OR4N2: variants seen among roughly 807,000 people sequenced by gnomAD.
The protein encoded by OR4N2 is olfactory receptor family 4 subfamily N member 2, also known as olfactory receptor 4N2.
For synonymous variants in OR4N2, 141 were observed against 140.4 expected, an observed-to-expected ratio of 1.00 and a Z score of -0.03; for missense variants, 307 against 377.6, an observed-to-expected ratio of 0.81 and a Z score of 1.55.
At chr14:19,823,624 G>T (rs1175760424) in intron 1 of OR4N2, among the ~76,000 whole-genome samples, 15 of 152,150 alleles carry the variant, frequency 9.9e-5, no homozygotes, top group Non-Finnish European at 1.5e-5. Context: ...TAGACGAAAA[G>T]TGGAGAGAGT....
chr14:19,806,382 T>A (rs1361981326), intron 1 of OR4N2, among the ~76,000 whole-genome samples: 1 of 152,122 alleles, frequency 6.6e-6, no homozygotes, highest in Non-Finnish European at 1.5e-5. Flanking sequence ...GCAGAAAGAT[T>A]TGTCATGTAA....
At chr14:19,818,901 T>G (rs1341210932) in intron 1 of OR4N2, among the ~76,000 whole-genome samples, 2 of 152,256 alleles carry the variant, frequency 1.3e-5, no homozygotes, top group African/African-American at 2.4e-5. Flanking sequence ...TGTTAGTATT[T>G]TCTTATCTGT....
chr14:19,817,638 G>A (rs1410952399), intron 1 of OR4N2, among the ~76,000 whole-genome samples: 12 of 152,184 alleles, frequency 7.9e-5, no homozygotes, highest in African/African-American at 1.9e-4. Flanking sequence ...CAAAAAACCA[G>A]CTCCTGGATT....
At chr14:19,811,603 T>C (rs1039244148) in intron 1 of OR4N2, among the ~76,000 whole-genome samples, 1 of 152,268 alleles carries the variant, frequency 6.6e-6, no homozygotes, top group Admixed American at 6.5e-5. Context: ...ACATAAAAAG[T>C]TGTGACCAGA....
intron 1 of OR4N2, among the ~76,000 whole-genome samples, chr14:19,821,006 G>A (rs1310902682): frequency 6.6e-6 from 1 of 152,256 alleles, no homozygotes. Context: ...CTACCTCAGT[G>A]TCTGCCCAAA....
chr14:19,814,194 A>G (rs1482579271), intron 1 of OR4N2, among the ~76,000 whole-genome samples: 1 of 152,172 alleles, frequency 6.6e-6, no homozygotes, highest in East Asian at 1.9e-4. Context: ...TTCTGACTCA[A>G]TTAATTTTTA....
At chr14:19,812,329 C>CTTTTTTTTTT (rs3078143) in intron 1 of OR4N2, among the ~76,000 whole-genome samples, 50 of 117,390 alleles carry the variant, frequency 4.3e-4, no homozygotes, top group Admixed American at 5.7e-4. Context: ...CTTTTCTTTT[C>CTTTTTTTTTT]TTTTTTTTTT....
intron 1 of OR4N2, among the ~76,000 whole-genome samples, chr14:19,812,750 C>G (rs1278746199): frequency 7.2e-5 from 11 of 152,146 alleles, no homozygotes; most frequent in African/African-American, 2.4e-5. Context: ...AATAGTCAAG[C>G]TGAGCATTTT....
chr14:19,809,740 A>T (rs2801168), intron 1 of OR4N2, among the ~76,000 whole-genome samples: 12,441 of 149,810 alleles, frequency 0.083, 104 homozygotes, highest in East Asian at 0.18. Context: ...GATAAAAACA[A>T]GCAATAGGGA....
In OR4N2 at chr14:19,827,052, C is replaced by G. The variant is rs1314890746; in HGVS notation, c.-9-388C>G. On this transcript the variant is annotated intron_variant, in intron 1 of 1. Coordinates refer to ENST00000557677, the MANE Select transcript of OR4N2 (RefSeq NM_001004723.3). ...AAAGGGTCTAATCCCAAGAAAAGAG[C>G]TAACCCTCAAGCATAGTATATCCAC... Among the ~76,000 whole-genome samples, 23 of 152,252 alleles carry G rather than the reference C, an allele frequency of 1.5e-4. 1 individual carries two copies. The highest frequency in any genetic ancestry group is 5.5e-4 in the African/African-American group (23 of 41,456).
intron 1 of OR4N2, among the ~76,000 whole-genome samples, chr14:19,820,427 T>A (rs1879535813): frequency 1.3e-5 from 2 of 152,270 alleles, no homozygotes; most frequent in Admixed American, 1.3e-4. Context: ...CATTTAGTGC[T>A]ATAAATTTTC....
intron 1 of OR4N2, among the ~76,000 whole-genome samples, chr14:19,812,560 G>C (rs1180156801): frequency 6.6e-6 from 1 of 152,082 alleles, no homozygotes; most frequent in African/African-American, 2.4e-5. Flanking sequence ...AGGTTTCACC[G>C]TGTTAGCCAG....
At chr14:19,821,418 C>A (rs1035106931) in intron 1 of OR4N2, among the ~76,000 whole-genome samples, 3 of 151,594 alleles carry the variant, frequency 2.0e-5, no homozygotes, top group South Asian at 4.1e-4. Context: ...TTTGGTGAAG[C>A]CTTTAATTGA....
chr14:19,828,467 T>A lies in OR4N2; in HGVS notation c.*95T>A. ...CCAAGTACTGCAATCACTGAGTACC[T>A]CCCATTTGTCAGGACTATTCTGGGA... is the stretch of plus-strand genomic sequence containing the variant. On this transcript the variant is annotated 3_prime_UTR_variant, in exon 2 of 2. Coordinates refer to ENST00000557677, the MANE Select transcript of OR4N2 (RefSeq NM_001004723.3). The A allele has an allele frequency of 8.3e-7, 1 of 1,209,660 alleles. No homozygotes were observed. Among genetic ancestry groups the A allele is most frequent in the Non-Finnish European group, 1.1e-6 (1 of 877,712 alleles). 74.9% of individuals were successfully genotyped at this position (1,209,660 alleles called of 1,614,324 possible).
intron 1 of OR4N2, among the ~76,000 whole-genome samples, chr14:19,816,206 T>G (rs1460550322): frequency 6.6e-6 from 1 of 152,240 alleles, no homozygotes; most frequent in Non-Finnish European, 1.5e-5. Context: ...CCATATGAAA[T>G]TTAAAGTCGT....
chr14:19,815,659 T>TG (rs1476866586), intron 1 of OR4N2, among the ~76,000 whole-genome samples: 6 of 151,174 alleles, frequency 4.0e-5, no homozygotes, highest in Non-Finnish European at 8.9e-5. Context: ...TTTTTTGTTT[T>TG]TTTTTTTTTT....
intron 1 of OR4N2, among the ~76,000 whole-genome samples, chr14:19,811,236 AT>A (rs1879287467): frequency 1.3e-5 from 2 of 152,322 alleles, no homozygotes; most frequent in Middle Eastern, 3.4e-3. Flanking sequence ...AAACATACAC[AT>A]ATGATTTTAT....
intron 1 of OR4N2, among the ~76,000 whole-genome samples, chr14:19,820,986 A>G (rs1465221193): frequency 6.6e-6 from 1 of 151,938 alleles, no homozygotes; most frequent in Non-Finnish European, 1.5e-5. Context: ...ATGAAAAAAA[A>G]CTCCTGCATC....
chr14:19,829,935 G>A lies in OR4N2; in HGVS notation c.*1563G>A, dbSNP rs1369464589. 1.3e-5 allele frequency: 2 copies of A among 152,332 alleles called. No individual in the cohort carries two copies. Among genetic ancestry groups the A allele is most frequent in the East Asian group, 3.9e-4 (2 of 5,182 alleles). The allele number at this position is 152,332 out of a possible 1,614,324, so 9.4% of individuals were successfully genotyped here. A position where few individuals can be genotyped will look rare whatever the true frequency, so the allele number is the denominator to read the frequency against. On this transcript the variant is annotated 3_prime_UTR_variant, in exon 2 of 2. Coordinates refer to ENST00000557677, the MANE Select transcript of OR4N2 (RefSeq NM_001004723.3). ...CGTTGCTTCCTGTTTTAGTGAGAAA[G>A]GTAGCAGGTGAGAATTCCTTAATCT...
Sources: gnomAD v4.1 joint callset for allele counts (sites outside exome capture counted in the v4.1 genomes callset) on GRCh38, gnomAD v4.1.1 for gene constraint, MANE v1.5 for transcripts, NCBI Gene and HGNC (gene_info 2026-07-23, HGNC 2026-07-21) for gene names.